The following SPIRE1 variants were observed in gnomAD, a reference collection of about 807,000 sequenced individuals.
The protein encoded by SPIRE1 is spire type actin nucleation factor 1, also known as protein spire homolog 1.
A neutral mutation model predicts 94.1 loss-of-function variants in SPIRE1; 40 were observed. The observed-to-expected ratio is 0.43, with a 90% CI of 0.33 to 0.55. The LOEUF is 0.55. Among genes scored for constraint, SPIRE1 ranks in the 20% least tolerant of loss-of-function variants. The pLI, the probability that SPIRE1 is intolerant of heterozygous loss-of-function variation, is 0.06. For missense variants in SPIRE1, 838 were observed against 975.2 expected (o/e 0.86, Z 1.87); for synonymous variants, 376 against 371.7 (o/e 1.01, Z -0.13).
At chr18:12,462,451 CA>C (rs1156578065) in intron 12 of SPIRE1, among the ~76,000 whole-genome samples, 1 of 152,198 alleles carries the variant, frequency 6.6e-6, no homozygotes, top group Non-Finnish European at 1.5e-5. Flanking sequence ...AGTGGCGCTA[CA>C]AAAGAGTCTT....
chr18:12,493,081 T>G lies in SPIRE1; in HGVS notation c.1180A>C (p.Ser394Arg), dbSNP rs771442936. 31 of 1,611,226 alleles carry G rather than the reference T, an allele frequency of 1.9e-5. No homozygotes were observed. The highest frequency in any genetic ancestry group is 1.7e-6 in the Non-Finnish European group (2 of 1,179,458). ...RPVSPEEIRR[S>R]RLAMRPLSMS... Reference sequence around the variant, plus strand: ...GAAGCAGTGGACTCACCTAATCTGCTACGTCTAATCTCCTCTGGTGATACA... The same window carrying G: ...GAAGCAGTGGACTCACCTAATCTGCGACGTCTAATCTCCTCTGGTGATACA... Residue 394 changes from serine to arginine, a missense_variant, in exon 8 of 17, where the codon AGC becomes CGC. This residue lies in a region of SPIRE1 where 645 missense variants were observed against 804.7 expected (regional missense o/e 0.80). Transcript: ENST00000409402.
At chr18:12,571,334 C>T (rs2035955839) in intron 2 of SPIRE1, among the ~76,000 whole-genome samples, 1 of 152,154 alleles carries the variant, frequency 6.6e-6, no homozygotes. Flanking sequence ...CTAAGCCTCC[C>T]AAAGTGCTGG....
At chr18:12,454,571 G>A (rs1598883566) in intron 12 of SPIRE1, 88 bp from the exon 13 acceptor site, 15 of 1,248,880 alleles carry the variant, frequency 1.2e-5, no homozygotes, top group South Asian at 1.1e-4. Context: ...CCCCTGATTA[G>A]TAGCTTCAGA....
chr18:12,615,345 A>AAAAAAAAAAAATATATATAT, intron 2 of SPIRE1, among the ~76,000 whole-genome samples: 3 of 17,244 alleles, frequency 1.7e-4, no homozygotes, highest in Non-Finnish European at 3.7e-4. Flanking sequence ...AAAAAAAAAA[A>AAAAAAAAAAAATATATATAT]ATATATATAT....
At chr18:12,478,125 T>C (rs186079960) in intron 10 of SPIRE1, among the ~76,000 whole-genome samples, 167 of 152,104 alleles carry the variant, frequency 1.1e-3, no homozygotes, top group Middle Eastern at 3.4e-3. Flanking sequence ...ATTATTGGTA[T>C]TGCTTGGAAT....
chr18:12,468,474 G>T (rs142835440), intron 10 of SPIRE1, among the ~76,000 whole-genome samples: 82 of 152,280 alleles, frequency 5.4e-4, no homozygotes, highest in African/African-American at 2.0e-3. Context: ...CTCTCATTCA[G>T]ACTTTATTCT....
Position 12,473,678 on chromosome 18 carries a change from AT to A in SPIRE1, c.1404+6020del, listed in dbSNP as rs2032450428. 4.6e-5 allele frequency among the ~76,000 whole-genome samples: 7 copies of A among 152,308 alleles called. No homozygotes were observed. In the South Asian group the frequency reaches 1.4e-3, roughly 32 times the overall value. ...AAAACAGTTGAGTTTGTAATTGATA[AT>A]GTAAATAATTAACATCATTCTAATT... On this transcript the variant is annotated intron_variant, in intron 10 of 16. Transcript: ENST00000409402.
intron 7 of SPIRE1, among the ~76,000 whole-genome samples, chr18:12,494,258 AACC>A (rs2033352060): frequency 6.6e-6 from 1 of 152,138 alleles, no homozygotes; most frequent in African/African-American, 2.4e-5. Flanking sequence ...ATTTTTTAGT[AACC>A]ACCCATAACC....
chr18:12,552,124 T>A (rs77321492), intron 2 of SPIRE1, among the ~76,000 whole-genome samples: 11,809 of 152,296 alleles, frequency 0.078, 632 homozygotes, highest in Middle Eastern at 0.16. Flanking sequence ...TAAATGCCTA[T>A]CCCCGTAGTG....
chr18:12,623,359 T>C (rs991750917), intron 2 of SPIRE1, among the ~76,000 whole-genome samples: 1 of 152,030 alleles, frequency 6.6e-6, no homozygotes, highest in African/African-American at 2.4e-5. Context: ...TTCACTGTGT[T>C]AGCCAGGATG....
intron 1 of SPIRE1, among the ~76,000 whole-genome samples, chr18:12,642,668 C>G (rs1464917799): frequency 6.6e-6 from 1 of 152,074 alleles, no homozygotes; most frequent in Non-Finnish European, 1.5e-5. Flanking sequence ...AGGAGGTGCC[C>G]AGGACTATTT....
chr18:12,549,439 G>T (rs866136355), intron 2 of SPIRE1, among the ~76,000 whole-genome samples: 4,072 of 41,408 alleles, frequency 0.098, 210 homozygotes, highest in Middle Eastern at 0.21. Context: ...TGTTATTGTT[G>T]TTTTTTTTTT....
intron 10 of SPIRE1, among the ~76,000 whole-genome samples, chr18:12,477,664 T>C (rs55857671): frequency 0.082 from 12,400 of 152,070 alleles, 745 homozygotes; most frequent in Non-Finnish European, 0.12. Flanking sequence ...TGGGTTATGA[T>C]AGAATCACAG....
intron 2 of SPIRE1, among the ~76,000 whole-genome samples, chr18:12,561,969 A>G (rs2035699751): frequency 6.6e-6 from 1 of 152,240 alleles, no homozygotes; most frequent in African/African-American, 2.4e-5. Flanking sequence ...GCTGTACAAT[A>G]GTACTATCAC....
At chr18:12,470,970 C>G (rs192402845) in intron 10 of SPIRE1, among the ~76,000 whole-genome samples, 1 of 151,754 alleles carries the variant, frequency 6.6e-6, no homozygotes, top group South Asian at 2.1e-4. Context: ...AGTCTGGGCA[C>G]GTAACTCACT....
chr18:12,618,874 C>A (rs986644977), intron 2 of SPIRE1, among the ~76,000 whole-genome samples: 2 of 140,188 alleles, frequency 1.4e-5, no homozygotes, highest in African/African-American at 5.1e-5. Flanking sequence ...CAGCTCTGAG[C>A]CCCACAAAAA....
chr18:12,655,695 C>CA (rs11431148), intron 1 of SPIRE1, among the ~76,000 whole-genome samples: 35,852 of 150,096 alleles, frequency 0.24, 4,897 homozygotes, highest in Non-Finnish European at 0.32. Flanking sequence ...AGATTCAGAC[C>CA]AAAAAAAAAG....
At chr18:12,469,603 T>TTTATTTATATTTATATAAATGTAA (rs1252992898) in intron 10 of SPIRE1, among the ~76,000 whole-genome samples, 3 of 144,800 alleles carry the variant, frequency 2.1e-5, no homozygotes, top group Non-Finnish European at 3.0e-5. Flanking sequence ...TATTTATATA[T>TTTATTTATATTTATATAAATGTAA]TTATTTATAT....
chr18:12,561,357 C>A (rs1349780798), intron 2 of SPIRE1, among the ~76,000 whole-genome samples: 1 of 151,308 alleles, frequency 6.6e-6, no homozygotes, highest in African/African-American at 2.4e-5. Flanking sequence ...ACAACCTCTG[C>A]CTCCCAGGTT....
Sources: allele counts gnomAD v4.1 joint callset (sites outside exome capture counted in the v4.1 genomes callset), GRCh38; gene constraint gnomAD v4.1.1; regional missense constraint gnomAD v4.1.1; transcripts MANE v1.5; gene names NCBI Gene and HGNC (gene_info 2026-07-23, HGNC 2026-07-21).